The following PBLD variants were observed in gnomAD, a reference collection of about 807,000 sequenced individuals.
PBLD encodes phenazine biosynthesis like protein domain containing.
Under a neutral mutation model 31.3 loss-of-function variants are expected in PBLD, and 26 were observed. The observed-to-expected ratio is 0.83, with a 90% confidence interval of 0.61 to 1.15. The LOEUF is 1.15. PBLD is among the 50% of genes most tolerant of loss of function. The pLI, the probability that PBLD is intolerant of heterozygous loss-of-function variation, is 0.00. For missense variants in PBLD, 307 were observed against 351.7 expected (o/e 0.87, Z 1.02); for synonymous variants, 114 against 129.0 (o/e 0.88, Z 0.79).
intron 2 of PBLD, among the ~76,000 whole-genome samples, chr10:68,305,682 G>A (rs111928565): frequency 0.025 from 3,871 of 152,178 alleles, 87 homozygotes; most frequent in Non-Finnish European, 0.038. Context: ...TTGAACCCGG[G>A]AGGCGGATGT....
chr10:68,294,919 G>C (rs2044405365), intron 4 of PBLD, among the ~76,000 whole-genome samples: 1 of 152,148 alleles, frequency 6.6e-6, no homozygotes, highest in South Asian at 2.1e-4. Context: ...GTAGAGACGG[G>C]GTTTTGCCCA....
intron 1 of PBLD, among the ~76,000 whole-genome samples, chr10:68,325,107 G>T (rs891655713): frequency 6.6e-6 from 1 of 151,666 alleles, no homozygotes; most frequent in South Asian, 2.1e-4. Flanking sequence ...AGCCAGGTGC[G>T]GTGGCAGGCA....
intron 2 of PBLD, among the ~76,000 whole-genome samples, chr10:68,299,925 C>G (rs1421783500): frequency 6.6e-6 from 1 of 151,952 alleles, no homozygotes. Flanking sequence ...GAGTCTCGCT[C>G]TGTCACCCTG....
chr10:68,314,742 A>G (rs1459689661), intron 1 of PBLD, among the ~76,000 whole-genome samples: 2 of 151,680 alleles, frequency 1.3e-5, no homozygotes, highest in African/African-American at 4.8e-5. Flanking sequence ...GGATTACAGG[A>G]GCACAACACC....
intron 1 of PBLD, chr10:68,331,528 C>G (rs2045090372): frequency 6.6e-6 from 1 of 152,248 alleles, no homozygotes; most frequent in Non-Finnish European, 1.5e-5. Context: ...GCCCGAGAGC[C>G]GAAATCGGCC....
intron 1 of PBLD, among the ~76,000 whole-genome samples, chr10:68,318,078 T>G (rs2044760185): frequency 6.6e-6 from 1 of 151,512 alleles, no homozygotes; most frequent in African/African-American, 2.4e-5. Flanking sequence ...ATACAAAAAA[T>G]TAGCCAGGCG....
intron 1 of PBLD, among the ~76,000 whole-genome samples, chr10:68,323,592 G>T (rs574115660): frequency 2.6e-5 from 4 of 152,180 alleles, no homozygotes; most frequent in Non-Finnish European, 5.9e-5. Context: ...TGGGCTAGAA[G>T]CATCCAGCTA....
intron 1 of PBLD, among the ~76,000 whole-genome samples, chr10:68,313,841 C>CA (rs1245796935): frequency 6.6e-5 from 10 of 152,062 alleles, no homozygotes; most frequent in Non-Finnish European, 1.2e-4. Context: ...ACAACAACAA[C>CA]AAAAAAACCC....
At chr10:68,325,736 T>C (rs931794477) in intron 1 of PBLD, among the ~76,000 whole-genome samples, 28 of 152,234 alleles carry the variant, frequency 1.8e-4, no homozygotes, top group African/African-American at 6.8e-4. Flanking sequence ...TGTACATCCA[T>C]GCCTTGGATC....
At chr10:68,292,105 G>A (rs765849401) in intron 5 of PBLD, 24 bp downstream of exon 5, 4 of 1,606,188 alleles carry the variant, frequency 2.5e-6, no homozygotes, top group Non-Finnish European at 3.4e-6. Context: ...AGATGGCTTA[G>A]GGCAATAATT....
intron 1 of PBLD, among the ~76,000 whole-genome samples, chr10:68,321,265 G>C (rs896463265): frequency 6.6e-6 from 1 of 152,048 alleles, no homozygotes; most frequent in African/African-American, 2.4e-5. Context: ...ACTGTAGCTG[G>C]AGATTTCAAT....
chr10:68,324,156 CT>C lies in PBLD; in HGVS notation c.-60+8627del, dbSNP rs200031349. Among the ~76,000 whole-genome samples, 527 of 145,840 alleles carry C rather than the reference CT, an allele frequency of 3.6e-3. 1 individual carries two copies. Among genetic ancestry groups the C allele is most frequent in the African/African-American group, 5.6e-3 (226 of 40,114 alleles). ...CTGCTGATAAATAGCTCCTAATTTT[CT>C]TTTTTTTTTTTGAGATAGAGCTGGG... On this transcript the variant is annotated intron_variant, in intron 1 of 9. Coordinates refer to ENST00000358769, the MANE Select transcript of PBLD (RefSeq NM_022129.4).
intron 2 of PBLD, among the ~76,000 whole-genome samples, chr10:68,304,436 C>T (rs2134469053): frequency 6.6e-6 from 1 of 152,318 alleles, no homozygotes; most frequent in African/African-American, 2.4e-5. Context: ...TCCTTATCTT[C>T]TTTTTCCTTC....
chr10:68,307,195 A>G (rs1183238762), intron 1 of PBLD, among the ~76,000 whole-genome samples: 2 of 151,804 alleles, frequency 1.3e-5, no homozygotes, highest in Non-Finnish European at 1.5e-5. Flanking sequence ...ACGCCTGGCT[A>G]ATTTCTGTGT....
Position 68,284,211 on chromosome 10 carries a change from G to A in PBLD, c.833C>T (p.Ala278Val), listed in dbSNP as rs2044259350. The A allele has an allele frequency of 6.2e-7, 1 of 1,614,006 alleles. No individual in the cohort carries two copies. The highest frequency in any genetic ancestry group is 8.5e-7 in the Non-Finnish European group (1 of 1,179,956). ...PDGRVDIRGG[A>V]AVVLEGTLTA The stretch of plus-strand genomic sequence containing the variant: ...CAGTGTGCCCTCTAAAACAACAGCT[G>A]CACCTCCTCTAATGTCAACCCTTCC... The change falls in exon 10 of 10, where the codon GCA becomes GTA. Residue 278 changes from alanine (A) to valine (V), a missense_variant. Physicochemically the swap from Ala to Val is moderately conservative, Grantham distance 64. Transcript: ENST00000358769.
Position 68,291,992 on chromosome 10 carries a change from T to C in PBLD, c.423+18A>G, listed in dbSNP as rs74873078. 6.4e-7 allele frequency: 1 copy of C among 1,573,846 alleles called. No homozygotes were observed. The highest frequency in any genetic ancestry group is 8.7e-7 in the Non-Finnish European group (1 of 1,143,578). The stretch of plus-strand genomic sequence containing the variant: ...CAATAACAAATAACTAGGCTCAGGT[T>C]TGATTCTTTTTACCAACCTTTATCA... On this transcript the variant is annotated intron_variant, in intron 6 of 9. Coordinates refer to ENST00000358769, the MANE Select transcript of PBLD (RefSeq NM_022129.4).
chr10:68,322,278 T>C (rs1265452135), intron 1 of PBLD, among the ~76,000 whole-genome samples: 1 of 151,986 alleles, frequency 6.6e-6, no homozygotes, highest in African/African-American at 2.4e-5. Flanking sequence ...ACTAATGTAA[T>C]GTGGTATCCT....
At position 68,289,097 on chromosome 10, in the gene PBLD, C is replaced by T; in HGVS notation, c.424-78G>A. On this transcript the variant is annotated intron_variant, in intron 6 of 9. Coordinates refer to ENST00000358769, the MANE Select transcript of PBLD (RefSeq NM_022129.4). ...GATCCCCTGAAATGGGAAATGACCT[C>T]TCATTGAGCATCCACTGTGAGCCAA... 2.7e-6 allele frequency: 3 copies of T among 1,091,614 alleles called. No homozygotes were observed. In the South Asian group the frequency reaches 3.9e-5, roughly 14 times the overall value. 67.6% of individuals were successfully genotyped at this position (1,091,614 alleles called of 1,614,324 possible).
chr10:68,312,673 G>A (rs1284264757), intron 1 of PBLD, among the ~76,000 whole-genome samples: 6 of 125,940 alleles, frequency 4.8e-5, no homozygotes, highest in Middle Eastern at 5.8e-3. Context: ...GCAGTGGTGC[G>A]ATTTCAGCTC....
Sources: gnomAD v4.1 joint callset for allele counts (sites outside exome capture counted in the v4.1 genomes callset) on GRCh38, gnomAD v4.1.1 for gene constraint, MANE v1.5 for transcripts, NCBI Gene and HGNC (gene_info 2026-07-23, HGNC 2026-07-21) for gene names.